HPS4: variants seen among roughly 807,000 people sequenced by gnomAD.
HPS4 encodes the protein BLOC-3 complex member HPS4.
Under a neutral mutation model 70.3 loss-of-function variants are expected in HPS4, and 44 were observed. The observed-to-expected ratio is 0.63, with a 90% confidence interval of 0.49 to 0.80. The LOEUF (loss-of-function observed/expected upper bound fraction) is 0.80. Ranked by LOEUF, HPS4 falls within the 30% of genes least tolerant of loss-of-function variation. The pLI is 0.00. For missense variants in HPS4, 873 were observed against 884.4 expected (o/e 0.99, Z 0.16); for synonymous variants, 377 against 355.9 (o/e 1.06, Z -0.67).
At chr22:26,468,992 G>A (rs1313278638) in intron 7 of HPS4, among the ~76,000 whole-genome samples, 6 of 152,126 alleles carry the variant, frequency 3.9e-5, no homozygotes, top group Non-Finnish European at 7.4e-5. Context: ...CATATGAACC[G>A]GTAAGGAAAT....
intron 11 of HPS4, among the ~76,000 whole-genome samples, chr22:26,461,742 C>G (rs2087319666): frequency 6.6e-6 from 1 of 152,216 alleles, no homozygotes; most frequent in Non-Finnish European, 1.5e-5. Flanking sequence ...AACACCTCTT[C>G]CTGATTATAA....
chr22:26,454,984 CTCA>C (rs1304717990), intron 13 of HPS4, among the ~76,000 whole-genome samples: 1 of 152,142 alleles, frequency 6.6e-6, no homozygotes, highest in Non-Finnish European at 1.5e-5. Context: ...TGAAAAAATG[CTCA>C]TCATCACTGG....
At position 26,465,472 on chromosome 22, in the gene HPS4, C is replaced by T. The variant is rs762331694; in HGVS notation, c.786G>A (p.Pro262=). The part of the protein sequence containing the change: ...KEEAISLHEF[P]VEQMTRSLAS... ...TCCATTACCTTGTCATCTGTTCCACCGGGAACTCGTGGAGACTAATGGCTT... is the reference window on the plus strand; with the variant it reads ...TCCATTACCTTGTCATCTGTTCCACTGGGAACTCGTGGAGACTAATGGCTT... Residue 262 remains proline, a synonymous_variant, in exon 10 of 14, where the codon CCG becomes CCA. Coordinates refer to ENST00000398145, the MANE Select transcript of HPS4 (RefSeq NM_022081.6). 1.9e-6 allele frequency: 3 copies of T among 1,612,152 alleles called. No homozygotes were observed. Among genetic ancestry groups the T allele is most frequent in the African/African-American group, 1.3e-5 (1 of 74,856 alleles).
chr22:26,450,415 G>C (rs2085107006), downstream of HPS4, among the ~76,000 whole-genome samples: 1 of 152,240 alleles, frequency 6.6e-6, no homozygotes, highest in African/African-American at 2.4e-5. Context: ...AGACACCATG[G>C]AGGGCGACTT....
downstream of HPS4, among the ~76,000 whole-genome samples, chr22:26,449,733 G>T (rs180843040): frequency 5.3e-5 from 8 of 150,924 alleles, no homozygotes; most frequent in South Asian, 4.1e-4. Context: ...CGGCGCTACT[G>T]AGAGAGAGGG....
intron 6 of HPS4, 149 bp downstream of exon 6, chr22:26,472,153 G>A: frequency 1.4e-6 from 1 of 707,800 alleles, no homozygotes. Flanking sequence ...GGGAAATGAG[G>A]CTGAGAGGTG....
chr22:26,479,164 G>C, intron 3 of HPS4, 101 bp downstream of exon 3: 3 of 1,104,476 alleles, frequency 2.7e-6, no homozygotes, highest in Non-Finnish European at 4.1e-6. Flanking sequence ...GTCATTGTCT[G>C]GATTAGCCAA....
At chr22:26,461,313 T>C (rs1193887204) in intron 11 of HPS4, among the ~76,000 whole-genome samples, 2 of 152,216 alleles carry the variant, frequency 1.3e-5, no homozygotes, top group Non-Finnish European at 2.9e-5. Context: ...ATTGTAGTGA[T>C]AAATAATTAA....
upstream of HPS4, chr22:26,483,819 T>TC: frequency 8.1e-7 from 1 of 1,229,656 alleles, no homozygotes; most frequent in Non-Finnish European, 1.0e-6. Flanking sequence ...TACCTCCCCC[T>TC]CCAGCTCCTG....
intron 3 of HPS4, among the ~76,000 whole-genome samples, chr22:26,478,457 A>G (rs1397335590): frequency 4.0e-5 from 6 of 151,358 alleles, no homozygotes; most frequent in Admixed American, 6.6e-5. Flanking sequence ...TGTAGTCCCA[A>G]CTACTCGGGA....
intron 4 of HPS4, 101 bp downstream of exon 4, chr22:26,476,892 T>C (rs946957989): frequency 2.5e-5 from 31 of 1,263,994 alleles, no homozygotes; most frequent in Middle Eastern, 4.1e-4. Context: ...ATGGATGAGG[T>C]TGGTGGGGGC....
Position 26,472,890 on chromosome 22 carries a change from A to C in HPS4, c.326T>G (p.Leu109Arg). 1 of 1,614,274 alleles carries C rather than the reference A, an allele frequency of 6.2e-7. No homozygotes were observed. ...ATTAAAGAATCCAACTAGCTGATCC[A>C]GAAACCGCTTGCAGCTGACATCAGG... ...ELPDVSCKRFLDQLVGFFNFY... is the reference protein window; with the variant it reads ...ELPDVSCKRFRDQLVGFFNFY... Residue 109 changes from leucine to arginine, a missense_variant, in exon 5 of 14, where the codon CTG (leucine) becomes CGG (arginine). Leu to Arg is a moderately radical substitution (Grantham distance 102, BLOSUM62 -2). Coordinates refer to ENST00000398145, the MANE Select transcript of HPS4 (RefSeq NM_022081.6).
chr22:26,472,171 G>A (rs187801053), intron 6 of HPS4, 131 bp downstream of exon 6: 566 of 747,062 alleles, frequency 7.6e-4, no homozygotes, highest in Non-Finnish European at 1.1e-3. Flanking sequence ...GTGACCTGCC[G>A]TGTCATGGCC....
In HPS4 at chr22:26,481,185, CATAA is replaced by C. The variant is rs202007211; in HGVS notation, c.41+533_41+536del. On this transcript the variant is annotated intron_variant, in intron 2 of 13. Transcript: ENST00000398145. ...AACTGCTCCATCTTTTTGACTTCCA[CATAA>C]ATAATCAGTCACTAAATCCTGCTAA... Among the ~76,000 whole-genome samples, 99 of 152,296 alleles carry C rather than the reference CATAA, an allele frequency of 6.5e-4. No homozygotes were observed. In the East Asian group the frequency reaches 0.015, roughly 24 times the overall value.
chr22:26,444,229 T>C (rs2084887420), exon 4 of HPS4: 1 of 142,896 alleles, frequency 7.0e-6, no homozygotes, highest in Non-Finnish European at 1.5e-5. Flanking sequence ...TTGCCTATGT[T>C]TTTTTTTTTT....
chr22:26,445,325 C>A (rs955504908), intron 3 of HPS4, among the ~76,000 whole-genome samples: 2 of 151,984 alleles, frequency 1.3e-5, no homozygotes, highest in African/African-American at 4.8e-5. Flanking sequence ...CAGAACAAGA[C>A]CCTGTCCAAA....
At chr22:26,471,826 A>C (rs537787223) in intron 6 of HPS4, among the ~76,000 whole-genome samples, 1 of 152,336 alleles carries the variant, frequency 6.6e-6, no homozygotes, top group South Asian at 2.1e-4. Context: ...CAAGCAGCCT[A>C]GGTTTCACTG....
chr22:26,464,737 G>A lies in HPS4; in HGVS notation c.893C>T (p.Thr298Ile). 4.4e-6 allele frequency: 7 copies of A among 1,593,436 alleles called. No individual in the cohort carries two copies. The highest frequency in any genetic ancestry group is 5.1e-6 in the Non-Finnish European group (6 of 1,168,570). ...CCAGGCCATGGATTCCACATGGCCA[G>A]TGGCGTTTTCTTTCAGGGCAGATGT... ...GSTSALKENATGHVESMAWTT... is the reference protein window; with the variant it reads ...GSTSALKENAIGHVESMAWTT... Residue 298 changes from threonine to isoleucine, a missense_variant, in exon 11 of 14, where the codon ACT becomes ATT. Physicochemically the swap from Thr to Ile is moderately conservative, Grantham distance 89. Transcript: ENST00000398145.
At chr22:26,461,790 T>C (rs2087328016) in intron 11 of HPS4, among the ~76,000 whole-genome samples, 1 of 152,174 alleles carries the variant, frequency 6.6e-6, no homozygotes, top group Non-Finnish European at 1.5e-5. Context: ...AAACCCACTC[T>C]CAAACCAGTG....
Sources: gnomAD v4.1 joint callset for allele counts (sites outside exome capture counted in the v4.1 genomes callset) on GRCh38, gnomAD v4.1.1 for gene constraint, MANE v1.5 for transcripts, NCBI Gene and HGNC (gene_info 2026-07-23, HGNC 2026-07-21) for gene names.